GREB1: variants seen among roughly 807,000 people sequenced by gnomAD.
The protein encoded by GREB1 is protein GREB1.
A neutral mutation model predicts 200.7 loss-of-function variants in GREB1; 106 were observed. That is an observed-to-expected ratio of 0.53 (90% CI 0.45 to 0.62). GREB1 has a LOEUF of 0.62. Ranked by LOEUF, GREB1 falls within the 20% of genes least tolerant of loss-of-function variation. GREB1 has a pLI of 0.00. For synonymous variants in GREB1, 1,132 were observed against 1,092.4 expected (o/e 1.04, Z -0.72); for missense variants, 2,243 against 2,556.8 (o/e 0.88, Z 2.65).
chr2:11,554,652 T>G (rs897753744), intron 1 of GREB1, among the ~76,000 whole-genome samples: 2 of 152,226 alleles, frequency 1.3e-5, no homozygotes, highest in African/African-American at 4.8e-5. Flanking sequence ...GGTGCCATTT[T>G]GTATGTCAAA....
chr2:11,590,117 G>C (rs1266637757), intron 10 of GREB1, among the ~76,000 whole-genome samples: 1 of 152,172 alleles, frequency 6.6e-6, no homozygotes, highest in Non-Finnish European at 1.5e-5. Context: ...AGGCGACTGA[G>C]ATGGAATGGG....
chr2:11,619,068 C>T (rs1043187721), intron 22 of GREB1, 149 bp downstream of exon 22: 6 of 835,950 alleles, frequency 7.2e-6, no homozygotes, highest in South Asian at 6.0e-5. Context: ...TGGGGTGGAC[C>T]GGAGGGAGGA....
rs765676056 is a variant in GREB1 at position 11,588,789 on chromosome 2, C to T, written c.1203C>T (p.Val401=). The T allele has an allele frequency of 5.0e-6, 8 of 1,614,072 alleles. No individual in the cohort carries two copies. The East Asian group carries it at 6.7e-5, about 13-fold the overall frequency. The change falls in exon 10 of 33, where the codon GTC becomes GTT. Residue 401 remains valine, a synonymous_variant. Transcript: ENST00000381486. ...ACCTCTGTGGGAACCTGAATGACGT[C>T]GTGGTCAGCCCCCTCTTGTACACGT... ...FPYLCGNLND[V]VVSPLLYTCY...
Position 11,592,805 on chromosome 2 carries a change from C to A in GREB1, c.1375C>A (p.Leu459Met). 6.4e-7 allele frequency: 1 copy of A among 1,564,178 alleles called. No homozygotes were observed. Among genetic ancestry groups the A allele is most frequent in the Admixed American group, 2.0e-5 (1 of 50,292 alleles). Residue 459 changes from leucine (L) to methionine (M), a missense_variant, in exon 11 of 33, where the codon CTG becomes ATG. By Grantham distance (15) the Leu-to-Met change is conservative. Around this residue, in one of 3 missense-constraint regions of GREB1, gnomAD observed 1,178 missense variants for 1,387.4 expected, o/e 0.85. Coordinates refer to ENST00000381486, the MANE Select transcript of GREB1 (RefSeq NM_014668.4). ...AADQVPLMED[L>M]EQIFLRSWRE... ...GGACCAGGTGCCCTTGATGGAGGAC[C>A]TGGAGCAGATCTTCCTGCGCTCTTG...
rs983341754 is a variant in GREB1 at position 11,580,528 on chromosome 2, G to A, written c.773-176G>A. Among the ~76,000 whole-genome samples the A allele has an allele frequency of 3.9e-5, 6 of 152,172 alleles. No homozygotes were observed. Among genetic ancestry groups the A allele is most frequent in the Non-Finnish European group, 8.8e-5 (6 of 68,028 alleles). Reference sequence around the variant, plus strand: ...TGGGGGTGTGTGTGTGTATGCATGTGTCTGCATGTATCTTCTCAGTGTAGC... The same window carrying A: ...TGGGGGTGTGTGTGTGTATGCATGTATCTGCATGTATCTTCTCAGTGTAGC... On this transcript the variant is annotated intron_variant, in intron 6 of 32. Transcript: ENST00000381486. This position sits in a 1 kb window ranked among gnomAD's most constrained non-coding sequence, Gnocchi z 4.5.
intron 1 of GREB1, among the ~76,000 whole-genome samples, chr2:11,527,310 A>G (rs1232766674): frequency 6.6e-6 from 1 of 152,226 alleles, no homozygotes; most frequent in Non-Finnish European, 1.5e-5. Context: ...AAGGGAAAAG[A>G]TATTTTCTCA....
At chr2:11,576,687 CG>C (rs1476751008) in intron 5 of GREB1, 152 bp downstream of exon 5, 6 of 594,380 alleles carry the variant, frequency 1.0e-5, no homozygotes, top group Non-Finnish European at 1.8e-5. Context: ...TGCTCCTTTG[CG>C]TTACGGGCGT....
Position 11,628,048 on chromosome 2 carries a change from G to A in GREB1, c.4449+944G>A, listed in dbSNP as rs3792034. On this transcript the variant is annotated intron_variant, in intron 25 of 32. Transcript: ENST00000381486. ...CTTTGGGGTGGGTACACTCAGCCAC[G>A]AAACTCGGAGGGCAGGCAGAGGCCA... Among the ~76,000 whole-genome samples the A allele has an allele frequency of 2.0e-3, 305 of 152,226 alleles. 4 individuals are homozygous for A. The East Asian group carries it at 0.047, about 23-fold the overall frequency.
At chr2:11,507,745 C>T (rs1673223818) in intron 1 of GREB1, among the ~76,000 whole-genome samples, 2 of 152,188 alleles carry the variant, frequency 1.3e-5, no homozygotes, top group Admixed American at 1.3e-4. Flanking sequence ...CTGGTGCCCC[C>T]AACAGCTGTG....
Position 11,554,281 on chromosome 2 carries a change from C to T in GREB1, c.-161-2173C>T, listed in dbSNP as rs576266645. On this transcript the variant is annotated intron_variant, in intron 1 of 32. Transcript: ENST00000381486. ...TATAAGCAGAGGCTGACCAAGGGGC[C>T]CTGTGGTCAGAAGTTATTGCCACAA... Among the ~76,000 whole-genome samples the T allele has an allele frequency of 7.2e-5, 11 of 152,266 alleles. No homozygotes were observed. The East Asian group carries it at 1.5e-3, about 21-fold the overall frequency.
At chr2:11,527,877 T>G (rs910438649) in intron 1 of GREB1, among the ~76,000 whole-genome samples, 1 of 152,204 alleles carries the variant, frequency 6.6e-6, no homozygotes, top group Non-Finnish European at 1.5e-5. Flanking sequence ...TCCCCCACAT[T>G]TGTTGTTCTG....
intron 2 of GREB1, among the ~76,000 whole-genome samples, chr2:11,560,778 C>T (rs1676940086): frequency 6.6e-6 from 1 of 151,828 alleles, no homozygotes; most frequent in Non-Finnish European, 1.5e-5. Context: ...TGACCCTGTT[C>T]CCTGAAGAAC....
At chr2:11,552,973 G>C (rs1676064389) in intron 1 of GREB1, among the ~76,000 whole-genome samples, 1 of 139,694 alleles carries the variant, frequency 7.2e-6, no homozygotes, top group South Asian at 2.2e-4. Context: ...TCGCGCCACT[G>C]CACTCCAGCC....
chr2:11,538,796 C>CCTT (rs199574019), intron 1 of GREB1, among the ~76,000 whole-genome samples: 3,989 of 23,938 alleles, frequency 0.17, 845 homozygotes, highest in African/African-American at 0.28. Context: ...TCCTTCCTTC[C>CCTT]CTTCTTTACT....
Position 11,597,723 on chromosome 2 carries a change from G to T in GREB1, c.1955-58G>T. The stretch of plus-strand genomic sequence containing the variant: ...GGTCTCACTGATTCTCTGGCCAAGG[G>T]CCTGGCAGTAGCCGTGTGCCCTGGA... On this transcript the variant is annotated intron_variant, in intron 13 of 32. Coordinates refer to ENST00000381486, the MANE Select transcript of GREB1 (RefSeq NM_014668.4). This position sits in a 1 kb window ranked among gnomAD's most constrained non-coding sequence, Gnocchi z 4.1. 6.7e-7 allele frequency: 1 copy of T among 1,502,202 alleles called. No homozygotes were observed. Among genetic ancestry groups the T allele is most frequent in the Non-Finnish European group, 9.3e-7 (1 of 1,079,422 alleles). 93.1% of individuals were successfully genotyped at this position (1,502,202 alleles called of 1,614,324 possible).
At chr2:11,567,808 A>G (rs189334359) in intron 4 of GREB1, among the ~76,000 whole-genome samples, 2 of 152,262 alleles carry the variant, frequency 1.3e-5, no homozygotes, top group African/African-American at 4.8e-5. Flanking sequence ...ATCTAGGGAC[A>G]CCTGAGGTGT....
chr2:11,611,194 C>T (rs141687923), intron 18 of GREB1, among the ~76,000 whole-genome samples, 167 bp downstream of exon 18: 120 of 152,260 alleles, frequency 7.9e-4, no homozygotes, highest in Non-Finnish European at 1.2e-3. Context: ...CTCTGCCCTC[C>T]GCCCCAGCAG....
intron 2 of GREB1, among the ~76,000 whole-genome samples, chr2:11,560,669 C>A (rs1009539342): frequency 1.1e-4 from 16 of 151,608 alleles, no homozygotes; most frequent in African/African-American, 3.9e-4. Context: ...CCATTTTACT[C>A]CAGTGTGGGT....
chr2:11,607,937 G>A (rs781284895), intron 17 of GREB1, among the ~76,000 whole-genome samples: 5 of 152,060 alleles, frequency 3.3e-5, no homozygotes, highest in African/African-American at 4.8e-5. Context: ...TTTGTCTTTG[G>A]TATCTGTATG....
Sources: gnomAD v4.1 joint callset for allele counts (sites outside exome capture counted in the v4.1 genomes callset) on GRCh38, gnomAD v4.1.1 for gene constraint, gnomAD v4.1.1 regional missense constraint, Gnocchi (gnomAD v3.1) non-coding constraint, MANE v1.5 for transcripts, NCBI Gene and HGNC (gene_info 2026-07-23, HGNC 2026-07-21) for gene names.